The following NRXN1 variants were observed in gnomAD, a reference collection of about 807,000 sequenced individuals.
NRXN1 encodes the protein neurexin-1.
A neutral mutation model predicts 150.9 loss-of-function variants in NRXN1; 39 were observed. The ratio of observed to expected loss-of-function variants is 0.26; its 90% CI spans 0.20 to 0.34. The LOEUF is 0.34. NRXN1 is among the 10% of genes least tolerant of loss of function. The pLI, the probability that NRXN1 is intolerant of heterozygous loss-of-function variation, is 1.00. For missense variants in NRXN1, 1,815 were observed against 1,949.9 expected, an observed-to-expected ratio of 0.93 and a Z score of 1.30; for synonymous variants, 924 against 757.0, an observed-to-expected ratio of 1.22 and a Z score of -3.62.
chr2:50,052,300 C>T (rs1692841325), intron 21 of NRXN1, among the ~76,000 whole-genome samples: 1 of 152,084 alleles, frequency 6.6e-6, no homozygotes, highest in African/African-American at 2.4e-5. Flanking sequence ...ATGGCACCTA[C>T]TGAATATACT....
chr2:50,337,197 T>G (rs1227465740), intron 17 of NRXN1, among the ~76,000 whole-genome samples: 1 of 151,802 alleles, frequency 6.6e-6, no homozygotes, highest in African/African-American at 2.4e-5. Flanking sequence ...GCGATTCTTC[T>G]GCCTGACCCT....
chr2:50,180,497 T>C (rs11893506), intron 18 of NRXN1, among the ~76,000 whole-genome samples: 36,648 of 151,956 alleles, frequency 0.24, 5,460 homozygotes, highest in East Asian at 0.4. Context: ...GGAGATGGTG[T>C]CTAATGGGAG....
chr2:50,526,296 A>G (rs1205126869), intron 12 of NRXN1, among the ~76,000 whole-genome samples: 1 of 152,220 alleles, frequency 6.6e-6, no homozygotes, highest in African/African-American at 2.4e-5. Context: ...CTTAAAAGAT[A>G]TCAATTGAGG....
intron 17 of NRXN1, among the ~76,000 whole-genome samples, chr2:50,257,502 C>G (rs1156359602): frequency 6.6e-6 from 1 of 151,988 alleles, no homozygotes; most frequent in South Asian, 2.1e-4. Context: ...CAGCTTTTTG[C>G]CAGATTTACG....
intron 17 of NRXN1, among the ~76,000 whole-genome samples, chr2:50,262,669 C>T (rs1558401520): frequency 6.6e-6 from 1 of 151,870 alleles, no homozygotes; most frequent in East Asian, 1.9e-4. Flanking sequence ...GGATTCATTA[C>T]CCTATTCTAG....
At chr2:50,753,245 AAAT>A (rs1361321146) in intron 5 of NRXN1, among the ~76,000 whole-genome samples, 2 of 151,928 alleles carry the variant, frequency 1.3e-5, no homozygotes, top group East Asian at 3.9e-4. Context: ...TGTAGAATGA[AAAT>A]AAGATAAAAT....
chr2:51,023,638 C>T (rs1195551887), intron 2 of NRXN1, among the ~76,000 whole-genome samples: 1 of 152,134 alleles, frequency 6.6e-6, no homozygotes, highest in Non-Finnish European at 1.5e-5. Context: ...TTTTTAAAGT[C>T]AATATGCCTT....
At chr2:50,922,998 C>T (rs1686298526) in intron 3 of NRXN1, among the ~76,000 whole-genome samples, 1 of 151,858 alleles carries the variant, frequency 6.6e-6, no homozygotes, top group African/African-American at 2.4e-5. Flanking sequence ...CATCTGCCCT[C>T]TGTGCCCTTT....
intron 18 of NRXN1, among the ~76,000 whole-genome samples, chr2:50,205,944 G>T (rs751122121): frequency 5.3e-5 from 8 of 151,954 alleles, no homozygotes; most frequent in Non-Finnish European, 1.2e-4. Context: ...CTAGGGCTTG[G>T]GAGAAGGAGA....
At chr2:50,180,448 ATG>A (rs1429272380) in intron 18 of NRXN1, among the ~76,000 whole-genome samples, 6 of 152,106 alleles carry the variant, frequency 3.9e-5, no homozygotes, top group Admixed American at 6.6e-5. Context: ...CCCCCAGAAT[ATG>A]TGTGTTGGAT....
intron 17 of NRXN1, among the ~76,000 whole-genome samples, chr2:50,461,333 G>A (rs1396980303): frequency 6.6e-6 from 1 of 151,872 alleles, no homozygotes; most frequent in Non-Finnish European, 1.5e-5. Flanking sequence ...ACAGCACTAT[G>A]TTATATTCTT....
chr2:50,311,188 C>T (rs1162835255), intron 17 of NRXN1, among the ~76,000 whole-genome samples: 2 of 152,034 alleles, frequency 1.3e-5, no homozygotes, highest in Non-Finnish European at 2.9e-5. Context: ...AAGGGTACCT[C>T]GTCTTCTCTT....
At chr2:50,252,233 C>CTTTTTTTTTTTTTTTTTTTTTTTT (rs55993018) in intron 17 of NRXN1, among the ~76,000 whole-genome samples, 1 of 94,912 alleles carries the variant, frequency 1.1e-5, no homozygotes, top group South Asian at 3.6e-4. Flanking sequence ...ACATTTTGTC[C>CTTTTTTTTTTTTTTTTTTTTTTTT]TTTTTTTTTT....
intron 17 of NRXN1, among the ~76,000 whole-genome samples, chr2:50,354,069 C>T (rs1234586017): frequency 2.0e-5 from 3 of 152,084 alleles, no homozygotes; most frequent in Non-Finnish European, 4.4e-5. Flanking sequence ...GATCTCACCT[C>T]CCGTTAGTTG....
intron 21 of NRXN1, among the ~76,000 whole-genome samples, chr2:50,015,209 G>A (rs1686372809): frequency 6.6e-6 from 1 of 152,156 alleles, no homozygotes; most frequent in South Asian, 2.1e-4. Context: ...TCCCTAGATT[G>A]TACAATATGC....
At chr2:49,969,108 C>T (rs1341893547) in intron 21 of NRXN1, among the ~76,000 whole-genome samples, 2 of 152,104 alleles carry the variant, frequency 1.3e-5, no homozygotes, top group Non-Finnish European at 2.9e-5. Context: ...CCAACAGTAG[C>T]TTATCCCCGG....
intron 2 of NRXN1, among the ~76,000 whole-genome samples, chr2:50,975,010 T>G (rs1695602486): frequency 6.6e-6 from 1 of 151,982 alleles, no homozygotes; most frequent in African/African-American, 2.4e-5. Context: ...CAAAATGTGG[T>G]TCCAGGGCCC....
intron 17 of NRXN1, among the ~76,000 whole-genome samples, chr2:50,287,972 T>A (rs2072409686): frequency 6.6e-6 from 1 of 152,058 alleles, no homozygotes; most frequent in South Asian, 2.1e-4. Context: ...GGAAAGGACC[T>A]CGAGGGCATG....
intron 17 of NRXN1, among the ~76,000 whole-genome samples, chr2:50,378,431 T>C (rs768755058): frequency 6.6e-6 from 1 of 152,148 alleles, no homozygotes; most frequent in East Asian, 1.9e-4. Flanking sequence ...CTCAGTGATA[T>C]GAGCTTACAG....
Sources: allele counts gnomAD v4.1 joint callset (sites outside exome capture counted in the v4.1 genomes callset), GRCh38; gene constraint gnomAD v4.1.1; transcripts MANE v1.5; gene names NCBI Gene and HGNC (gene_info 2026-07-23, HGNC 2026-07-21).